KITLG: variants seen among roughly 807,000 people sequenced by gnomAD.
The protein encoded by KITLG is KIT ligand, also known as c-Kit ligand.
In KITLG, 13 loss-of-function variants were observed where a neutral mutation model predicts 34.1. The observed-to-expected ratio is 0.38, with a 90% CI of 0.25 to 0.61. The LOEUF (loss-of-function observed/expected upper bound fraction) is 0.61. KITLG is among the 20% of genes least tolerant of loss of function. The probability of loss-of-function intolerance (pLI) is 0.60; values close to 1 mark genes in which losing one functional copy is unlikely to be tolerated. For missense variants in KITLG, 292 were observed against 318.9 expected (o/e 0.92, Z 0.64); for synonymous variants, 110 against 104.0 (o/e 1.06, Z -0.35).
chr12:88,500,581 G>A (rs1292689141), intron 9 of KITLG, among the ~76,000 whole-genome samples: 7 of 152,148 alleles, frequency 4.6e-5, no homozygotes, highest in Admixed American at 2.6e-4. Flanking sequence ...TTCCTGTAAC[G>A]TATTAACATA....
intron 2 of KITLG, among the ~76,000 whole-genome samples, chr12:88,533,281 T>C (rs1402934794): frequency 6.6e-6 from 1 of 152,176 alleles, no homozygotes; most frequent in Non-Finnish European, 1.5e-5. Context: ...GACAAAGGAA[T>C]CTGGGACAAA....
intron 1 of KITLG, 124 bp downstream of exon 1, chr12:88,580,140 T>C: frequency 1.9e-6 from 2 of 1,049,548 alleles, no homozygotes; most frequent in Non-Finnish European, 2.9e-6. Context: ...CATCCTCTTG[T>C]CTCACCCGGC....
At chr12:88,533,485 T>A (rs913625385) in intron 2 of KITLG, among the ~76,000 whole-genome samples, 6 of 152,166 alleles carry the variant, frequency 3.9e-5, no homozygotes, top group Admixed American at 1.3e-4. Context: ...GAGTTCTAGG[T>A]TCTCTTCCTT....
intron 1 of KITLG, among the ~76,000 whole-genome samples, chr12:88,571,811 C>A (rs939687020): frequency 1.3e-5 from 2 of 152,096 alleles, no homozygotes; most frequent in Non-Finnish European, 2.9e-5. Flanking sequence ...AAACAGAATG[C>A]ATATCTTTGA....
chr12:88,519,923 T>G (rs931764522), intron 3 of KITLG, among the ~76,000 whole-genome samples: 2 of 152,304 alleles, frequency 1.3e-5, no homozygotes, highest in Middle Eastern at 3.4e-3. Flanking sequence ...TGCATCTGGC[T>G]CAAGTCATTT....
At position 88,496,826 on chromosome 12, in the gene KITLG, T is replaced by C. The variant is rs1380978937; in HGVS notation, c.*393A>G. On this transcript the variant is annotated 3_prime_UTR_variant, in exon 10 of 10. Transcript: ENST00000644744. ...AGACCAGGATAACTACAGGCTGCAG[T>C]TTGTATCTGAAGAATAAAGCTAGGT... The C allele has an allele frequency of 6.4e-6, 1 of 156,376 alleles. No individual in the cohort carries two copies. The highest frequency in any genetic ancestry group is 2.4e-5 in the African/African-American group (1 of 41,472). The allele number at this position is 156,376 out of a possible 1,614,324, so 9.7% of individuals were successfully genotyped here.
chr12:88,569,092 G>C (rs1871555188), intron 1 of KITLG, among the ~76,000 whole-genome samples: 1 of 152,130 alleles, frequency 6.6e-6, no homozygotes, highest in African/African-American at 2.4e-5. Flanking sequence ...GGGAAAAGTA[G>C]GCAATCACTC....
chr12:88,512,437 G>A (rs1399554662), intron 6 of KITLG, among the ~76,000 whole-genome samples: 1 of 151,980 alleles, frequency 6.6e-6, no homozygotes, highest in Non-Finnish European at 1.5e-5. Flanking sequence ...TATGCAAGTA[G>A]TATCTCAGAA....
intron 1 of KITLG, among the ~76,000 whole-genome samples, chr12:88,552,502 T>G (rs888853174): frequency 6.6e-6 from 1 of 151,946 alleles, no homozygotes; most frequent in Non-Finnish European, 1.5e-5. Flanking sequence ...TCACTAAATT[T>G]TTGGTAATTT....
intron 3 of KITLG, among the ~76,000 whole-genome samples, chr12:88,525,206 G>A (rs1173722407): frequency 6.6e-6 from 1 of 152,168 alleles, no homozygotes; most frequent in Non-Finnish European, 1.5e-5. Flanking sequence ...ATTCAGAGAT[G>A]GAGAAGGAAA....
chr12:88,578,911 G>C (rs1291630234), intron 1 of KITLG, among the ~76,000 whole-genome samples: 1 of 152,290 alleles, frequency 6.6e-6, no homozygotes, highest in East Asian at 1.9e-4. Context: ...TTTAACATTT[G>C]CATTTCGACA....
At chr12:88,558,858 T>A (rs185770484) in intron 1 of KITLG, among the ~76,000 whole-genome samples, 174 of 152,270 alleles carry the variant, frequency 1.1e-3, no homozygotes, top group Admixed American at 2.8e-3. Flanking sequence ...AACAAAAATG[T>A]CTTAAAAGAT....
chr12:88,557,853 C>A (rs1334990321), intron 1 of KITLG, among the ~76,000 whole-genome samples: 3 of 152,100 alleles, frequency 2.0e-5, no homozygotes, highest in Admixed American at 6.6e-5. Flanking sequence ...AATTGAACTA[C>A]CCTGATGTAC....
intron 1 of KITLG, chr12:88,564,378 T>C (rs1307736693): frequency 1.0e-5 from 1 of 96,022 alleles, no homozygotes; most frequent in Non-Finnish European, 2.8e-5. Flanking sequence ...AGAACAAATG[T>C]AAACAGGGAA....
Position 88,506,388 on chromosome 12 carries a change from G to A in KITLG, c.715-10C>T, listed in dbSNP as rs760089451. On this transcript the variant is annotated splice_polypyrimidine_tract_variant and intron_variant, in intron 7 of 9. Coordinates refer to ENST00000644744, the MANE Select transcript of KITLG (RefSeq NM_000899.5). ...GACTTGGCTGTCTCTTCTGGAAAAAGAAGAAAGACATATACTGTAAAATAA... is the reference window on the plus strand; with the variant it reads ...GACTTGGCTGTCTCTTCTGGAAAAAAAAGAAAGACATATACTGTAAAATAA... The A allele has an allele frequency of 6.3e-7, 1 of 1,577,150 alleles. No homozygotes were observed. Among genetic ancestry groups the A allele is most frequent in the East Asian group, 2.2e-5 (1 of 44,678 alleles).
intron 3 of KITLG, among the ~76,000 whole-genome samples, chr12:88,523,466 C>T (rs1869752278): frequency 6.6e-6 from 1 of 152,170 alleles, no homozygotes; most frequent in African/African-American, 2.4e-5. Flanking sequence ...GGTCTCACGT[C>T]TGGACCAGAC....
intron 9 of KITLG, among the ~76,000 whole-genome samples, chr12:88,504,129 C>T (rs372937003): frequency 4.0e-5 from 6 of 151,876 alleles, no homozygotes; most frequent in African/African-American, 1.5e-4. Context: ...TGTGCATATC[C>T]CACACTAGAT....
At chr12:88,568,280 CATTTATTT>C (rs59218602) in intron 1 of KITLG, among the ~76,000 whole-genome samples, 1,710 of 147,100 alleles carry the variant, frequency 0.012, 38 homozygotes, top group African/African-American at 0.041. Context: ...CATATTATCT[CATTTATTT>C]ATTTATTTAT....
chr12:88,580,356 T>G lies in KITLG; in HGVS notation c.-78A>C. On this transcript the variant is annotated 5_prime_UTR_variant, in exon 1 of 10. Transcript: ENST00000644744. ...TAGCTGTTCTGGAGCTCCAGCATAT[T>G]GCACGAACAGCGGCGGCAGATAGTC... 1 of 1,542,210 alleles carries G rather than the reference T, an allele frequency of 6.5e-7. No homozygotes were observed. The highest frequency in any genetic ancestry group is 8.9e-7 in the Non-Finnish European group (1 of 1,123,198).
Sources: allele counts gnomAD v4.1 joint callset (sites outside exome capture counted in the v4.1 genomes callset), GRCh38; gene constraint gnomAD v4.1.1; transcripts MANE v1.5; gene names NCBI Gene and HGNC (gene_info 2026-07-23, HGNC 2026-07-21).